The following KCNH1 variants were observed in gnomAD, a reference collection of about 807,000 sequenced individuals.
The protein encoded by KCNH1 is voltage-gated delayed rectifier potassium channel KCNH1.
In KCNH1, 27 loss-of-function variants were observed where a neutral mutation model predicts 69.2. That is an observed-to-expected ratio of 0.39 (90% CI 0.29 to 0.54). The LOEUF (loss-of-function observed/expected upper bound fraction) is 0.54, where lower values mean the gene tolerates loss of function less well. Among genes scored for constraint, KCNH1 ranks in the 20% least tolerant of loss-of-function variants. The pLI, the probability that KCNH1 is intolerant of heterozygous loss-of-function variation, is 0.68. For missense variants in KCNH1, 798 were observed against 1,261.6 expected, an observed-to-expected ratio of 0.63 and a Z score of 5.57; for synonymous variants, 456 against 487.7, an observed-to-expected ratio of 0.93 and a Z score of 0.86.
intron 4 of KCNH1, among the ~76,000 whole-genome samples, chr1:211,087,100 A>G (rs974137713): frequency 6.6e-6 from 1 of 152,128 alleles, no homozygotes; most frequent in East Asian, 1.9e-4. Flanking sequence ...ACTTGTGTCT[A>G]TTACTATTTC....
intron 7 of KCNH1, among the ~76,000 whole-genome samples, chr1:210,894,413 A>C (rs1156811158): frequency 1.3e-5 from 2 of 152,192 alleles, no homozygotes; most frequent in African/African-American, 4.8e-5. Flanking sequence ...TTGTGCAAGC[A>C]CCAGTCACTG....
chr1:211,070,636 C>A (rs547461028), intron 5 of KCNH1, among the ~76,000 whole-genome samples: 1 of 151,310 alleles, frequency 6.6e-6, no homozygotes, highest in East Asian at 2.0e-4. Context: ...CCAGCCCGGC[C>A]AACATGGCGA....
chr1:210,842,897 C>T lies in KCNH1; in HGVS notation c.1463-38731G>A, dbSNP rs183951949. ...CCATCTTGTGAATAACAGCATACAT[C>T]TGTGAGACAGTTTGCCACAAGAACT... On this transcript the variant is annotated intron_variant, in intron 7 of 10. Transcript: ENST00000271751. Among the ~76,000 whole-genome samples, 504 of 152,316 alleles carry T rather than the reference C, an allele frequency of 3.3e-3. 1 individual carries two copies. The highest frequency in any genetic ancestry group is 0.014 in the Middle Eastern group (4 of 294).
chr1:210,983,488 T>C (rs1383856718), intron 6 of KCNH1, among the ~76,000 whole-genome samples: 2 of 152,252 alleles, frequency 1.3e-5, no homozygotes, highest in Admixed American at 6.5e-5. Flanking sequence ...TTTCTACATA[T>C]GGCTAGCCAG....
Position 210,745,924 on chromosome 1 carries a change from A to AG in KCNH1, c.2112+29423dup, listed in dbSNP as rs202202385. On this transcript the variant is annotated intron_variant, in intron 10 of 10. Coordinates refer to ENST00000271751, the MANE Select transcript of KCNH1 (RefSeq NM_172362.3). ...GGGAGAAAGGTCACCCTGGCACTAG[A>AG]GGGGGGGTGGTGCTTTTACTCACAG... Among the ~76,000 whole-genome samples the AG allele has an allele frequency of 3.4e-3, 508 of 150,526 alleles. 2 individuals carry two copies. The highest frequency in any genetic ancestry group is 6.8e-3 in the Middle Eastern group (2 of 292).
intron 9 of KCNH1, among the ~76,000 whole-genome samples, chr1:210,795,129 G>T (rs901429159): frequency 1.5e-5 from 1 of 66,104 alleles, no homozygotes; most frequent in African/African-American, 3.6e-5. Context: ...GCTTGTTTTT[G>T]TTGTTGTTGT....
rs1297911658 is a variant in KCNH1, at chr1:210,681,430, A to G, written c.*1851T>C. 1 of 152,228 alleles carries G rather than the reference A, an allele frequency of 6.6e-6. No individual in the cohort carries two copies. The highest frequency in any genetic ancestry group is 2.4e-5 in the African/African-American group (1 of 41,458). 9.4% of individuals were successfully genotyped at this position (152,228 alleles called of 1,614,324 possible). A position where few individuals can be genotyped will look rare whatever the true frequency, so the allele number is the denominator to read the frequency against. ...CAGCCCCTGTAAGCCTGATGTGAGA[A>G]GCTACATATGAGGTTAGGGCTCATG... On this transcript the variant is annotated 3_prime_UTR_variant, in exon 11 of 11. Coordinates refer to ENST00000271751, the MANE Select transcript of KCNH1 (RefSeq NM_172362.3).
intron 7 of KCNH1, among the ~76,000 whole-genome samples, chr1:210,915,608 T>C (rs531975163): frequency 4.6e-5 from 7 of 152,228 alleles, no homozygotes; most frequent in Middle Eastern, 6.8e-3. Context: ...GAATGGAAAT[T>C]AGACATAAAA....
intron 5 of KCNH1, among the ~76,000 whole-genome samples, chr1:211,022,169 C>A (rs1689597599): frequency 1.3e-5 from 2 of 152,182 alleles, no homozygotes; most frequent in East Asian, 3.9e-4. Context: ...AGAAATAAAT[C>A]CATGTATCTA....
intron 4 of KCNH1, among the ~76,000 whole-genome samples, chr1:211,089,633 A>G (rs545808349): frequency 1.3e-5 from 2 of 152,342 alleles, no homozygotes; most frequent in East Asian, 1.9e-4. Flanking sequence ...ACCAAAAATA[A>G]TATGTCTCAG....
At chr1:210,803,332 C>A (rs1419829246) in intron 8 of KCNH1, among the ~76,000 whole-genome samples, 1 of 152,112 alleles carries the variant, frequency 6.6e-6, no homozygotes, top group Non-Finnish European at 1.5e-5. Flanking sequence ...AAACTCCTGA[C>A]CTCAAGTGAT....
At chr1:211,070,773 G>A (rs1690628116) in intron 5 of KCNH1, among the ~76,000 whole-genome samples, 1 of 148,842 alleles carries the variant, frequency 6.7e-6, no homozygotes, top group Non-Finnish European at 1.5e-5. Flanking sequence ...AGTGAGCCAA[G>A]ATCATGCAAT....
intron 10 of KCNH1, among the ~76,000 whole-genome samples, chr1:210,686,565 T>A (rs1681412677): frequency 6.6e-6 from 1 of 152,016 alleles, no homozygotes; most frequent in Non-Finnish European, 1.5e-5. Flanking sequence ...GGAAGGAAGG[T>A]GGAATGGAGG....
At chr1:210,998,796 A>C (rs1209094378) in intron 6 of KCNH1, among the ~76,000 whole-genome samples, 1 of 152,238 alleles carries the variant, frequency 6.6e-6, no homozygotes, top group Non-Finnish European at 1.5e-5. Context: ...AAAGAACAGA[A>C]ATCACAACAA....
At chr1:210,939,149 C>T (rs1389365099) in intron 6 of KCNH1, among the ~76,000 whole-genome samples, 1 of 152,166 alleles carries the variant, frequency 6.6e-6, no homozygotes, top group Non-Finnish European at 1.5e-5. Context: ...ACTTCCTGCA[C>T]ACCTAATACA....
At chr1:210,723,446 G>A (rs542070650) in intron 10 of KCNH1, among the ~76,000 whole-genome samples, 3 of 152,216 alleles carry the variant, frequency 2.0e-5, no homozygotes, top group South Asian at 4.2e-4. Context: ...AAGGGGAAGT[G>A]AGAAAAGGTC....
rs1689547478 is a variant in KCNH1, at chr1:211,019,272, T to C, written c.559-16A>G. The C allele has an allele frequency of 3.9e-6, 6 of 1,526,236 alleles. No homozygotes were observed. Among genetic ancestry groups the C allele is most frequent in the Non-Finnish European group, 5.3e-6 (6 of 1,124,910 alleles). 94.5% of individuals were successfully genotyped at this position (1,526,236 alleles called of 1,614,324 possible). On this transcript the variant is annotated splice_polypyrimidine_tract_variant and intron_variant, in intron 5 of 10. Coordinates refer to ENST00000271751, the MANE Select transcript of KCNH1 (RefSeq NM_172362.3). Reference sequence around the variant, plus strand: ...GCTGTAGGACCTGTACAGAAAAACATGACCAAGAGAGAACTAAGTTAGGAT... The same window carrying C: ...GCTGTAGGACCTGTACAGAAAAACACGACCAAGAGAGAACTAAGTTAGGAT...
At chr1:211,017,581 G>A (rs972822258) in intron 6 of KCNH1, among the ~76,000 whole-genome samples, 2 of 152,078 alleles carry the variant, frequency 1.3e-5, no homozygotes, top group Non-Finnish European at 2.9e-5. Context: ...GTAAGAAAAC[G>A]GAAGGACAAT....
chr1:210,783,687 G>A (rs1013210217), intron 9 of KCNH1, among the ~76,000 whole-genome samples: 1 of 152,190 alleles, frequency 6.6e-6, no homozygotes, highest in Admixed American at 6.5e-5. Flanking sequence ...TTAGGGTGAC[G>A]TATCACACTA....
Sources: gnomAD v4.1 joint callset for allele counts (sites outside exome capture counted in the v4.1 genomes callset) on GRCh38, gnomAD v4.1.1 for gene constraint, MANE v1.5 for transcripts, NCBI Gene and HGNC (gene_info 2026-07-23, HGNC 2026-07-21) for gene names.